Variants in ABCA8 observed in about 807,000 individuals in gnomAD.
ABCA8 encodes the protein ABC-type organic anion transporter ABCA8.
A neutral mutation model predicts 192.3 loss-of-function variants in ABCA8; 177 were observed. That is an observed-to-expected ratio of 0.92 (90% confidence interval 0.81 to 1.04). The LOEUF (loss-of-function observed/expected upper bound fraction) is 1.04, where lower values mean the gene tolerates loss of function less well. ABCA8 is among the 50% of genes least tolerant of loss of function. The probability of loss-of-function intolerance (pLI) is 0.00; values close to 1 mark genes in which losing one functional copy is unlikely to be tolerated. For missense variants in ABCA8, 1,915 were observed against 1,904.8 expected (o/e 1.01, Z -0.10); for synonymous variants, 642 against 690.2 (o/e 0.93, Z 1.09).
intron 2 of ABCA8, among the ~76,000 whole-genome samples, chr17:68,946,355 C>G (rs773590873): frequency 1.3e-5 from 2 of 152,112 alleles, no homozygotes; most frequent in Admixed American, 6.5e-5. Flanking sequence ...CGTGAGCCCC[C>G]GCACCCAGCC....
intron 38 of ABCA8, among the ~76,000 whole-genome samples, chr17:68,869,355 C>T (rs9896422): frequency 0.14 from 21,728 of 151,962 alleles, 1,705 homozygotes; most frequent in African/African-American, 0.21. Flanking sequence ...TGCCAGTCCA[C>T]GGAAAAATTT....
chr17:68,948,227 A>C (rs936125668), intron 2 of ABCA8, among the ~76,000 whole-genome samples: 26 of 152,196 alleles, frequency 1.7e-4, no homozygotes, highest in Non-Finnish European at 1.0e-4. Flanking sequence ...GTGTCTTTAT[A>C]GTAGAATGAT....
intron 2 of ABCA8, among the ~76,000 whole-genome samples, chr17:68,945,899 CACAT>C (rs1268205610): frequency 6.6e-6 from 1 of 152,068 alleles, no homozygotes; most frequent in Admixed American, 6.6e-5. Context: ...ATACTTCTCA[CACAT>C]AGTCTAGTTA....
intron 2 of ABCA8, among the ~76,000 whole-genome samples, chr17:68,946,288 G>A (rs1218419218): frequency 2.0e-5 from 3 of 151,954 alleles, no homozygotes; most frequent in East Asian, 1.9e-4. Context: ...GGCTGGTCTC[G>A]AACTCCTGAC....
Position 68,875,415 on chromosome 17 carries a change from C to T in ABCA8, c.4491-15G>A, listed in dbSNP as rs1269127920. 6.2e-7 allele frequency: 1 copy of T among 1,611,774 alleles called. No homozygotes were observed. Among genetic ancestry groups the T allele is most frequent in the Admixed American group, 1.7e-5 (1 of 59,494 alleles). ...AACCGATACATCTGGAGGATGAGGT[C>T]ATATGAGAAAGGAGAAAAAAAAAAC... On this transcript the variant is annotated splice_polypyrimidine_tract_variant and intron_variant, in intron 36 of 39. Transcript: ENST00000586539.
At chr17:68,902,942 C>T in intron 20 of ABCA8, 63 bp from the exon 21 acceptor site, 1 of 1,386,312 alleles carries the variant, frequency 7.2e-7, no homozygotes, top group Non-Finnish European at 1.0e-6. Context: ...ACTCTCTGAG[C>T]AGTTTATAAT....
At chr17:68,900,920 AT>A (rs1237009258) in intron 21 of ABCA8, among the ~76,000 whole-genome samples, 1 of 152,218 alleles carries the variant, frequency 6.6e-6, no homozygotes, top group African/African-American at 2.4e-5. Context: ...GCCTTCTTGC[AT>A]TTAGAAACAC....
At chr17:68,909,893 G>A (rs1360520544) in intron 17 of ABCA8, among the ~76,000 whole-genome samples, 1 of 152,100 alleles carries the variant, frequency 6.6e-6, no homozygotes, top group African/African-American at 2.4e-5. Context: ...GACCAATCAT[G>A]TAACAAAAAC....
chr17:68,897,636 C>G (rs67927198), intron 21 of ABCA8, among the ~76,000 whole-genome samples: 1 of 151,850 alleles, frequency 6.6e-6, no homozygotes, highest in Non-Finnish European at 1.5e-5. Context: ...TCTCACCAAA[C>G]AGATTATACC....
rs5007934 is a variant in ABCA8, at chr17:68,887,909, C to G, written c.3145-403G>C. Reference sequence around the variant, plus strand: ...ATATATATATATATATATATATATCCATATATATATATATATTATATATGG... The same window carrying G: ...ATATATATATATATATATATATATCGATATATATATATATATTATATATGG... On this transcript the variant is annotated intron_variant, in intron 24 of 39. Transcript: ENST00000586539. 7.3e-3 allele frequency among the ~76,000 whole-genome samples: 274 copies of G among 37,538 alleles called. 10 individuals carry two copies. The highest frequency in any genetic ancestry group is 0.014 in the Admixed American group (53 of 3,832). 24.6% of individuals were successfully genotyped at this position (37,538 alleles called of 152,430 possible). A position where few individuals can be genotyped will look rare whatever the true frequency, so the allele number is the denominator to read the frequency against.
intron 17 of ABCA8, among the ~76,000 whole-genome samples, chr17:68,916,260 G>A (rs1305632646): frequency 6.6e-6 from 1 of 151,914 alleles, no homozygotes; most frequent in Non-Finnish European, 1.5e-5. Context: ...ATATTACTGT[G>A]ACGTTCTTCA....
At chr17:68,929,369 A>T (rs2067795043) in intron 8 of ABCA8, 135 bp from the exon 9 acceptor site, 1 of 1,050,358 alleles carries the variant, frequency 9.5e-7, no homozygotes, top group Non-Finnish European at 1.3e-6. Flanking sequence ...TATAACATAC[A>T]AAACTATGCT....
intron 19 of ABCA8, among the ~76,000 whole-genome samples, chr17:68,904,295 AATAAT>A (rs1288391637): frequency 0.15 from 581 of 3,810 alleles, 14 homozygotes; most frequent in Admixed American, 0.24. Flanking sequence ...AAAAAGAAAT[AATAAT>A]AATAATAATA....
intron 17 of ABCA8, among the ~76,000 whole-genome samples, chr17:68,910,620 G>A (rs951440628): frequency 3.3e-5 from 5 of 152,164 alleles, no homozygotes; most frequent in African/African-American, 2.4e-5. Flanking sequence ...CCAAGGGAGT[G>A]CCTGTTTCAC....
At chr17:68,919,662 T>C (rs1200934489) in intron 13 of ABCA8, 186 bp from the exon 14 acceptor site, 1 of 538,014 alleles carries the variant, frequency 1.9e-6, no homozygotes, top group Non-Finnish European at 3.2e-6. Context: ...CATCAAGGTG[T>C]AGTCCCTTTG....
At chr17:68,936,103 AT>A (rs908641772) in intron 5 of ABCA8, among the ~76,000 whole-genome samples, 13 of 150,888 alleles carry the variant, frequency 8.6e-5, no homozygotes, top group South Asian at 6.3e-4. Flanking sequence ...ATAGTTTGCG[AT>A]TTTTTTTTCC....
chr17:68,952,257 C>T (rs1436927676), intron 1 of ABCA8, among the ~76,000 whole-genome samples: 2 of 152,064 alleles, frequency 1.3e-5, no homozygotes, highest in Non-Finnish European at 1.5e-5. Flanking sequence ...CTCGCTCTGT[C>T]GCCCAGGCTG....
At chr17:68,922,672 G>A (rs1302837212) in intron 11 of ABCA8, among the ~76,000 whole-genome samples, 1 of 152,142 alleles carries the variant, frequency 6.6e-6, no homozygotes, top group Admixed American at 6.5e-5. Context: ...AAAGGCTCCT[G>A]TGAACCACTG....
At position 68,871,269 on chromosome 17, in the gene ABCA8, C is replaced by T. The variant is rs574040498; in HGVS notation, c.4632-1490G>A. On this transcript the variant is annotated intron_variant, in intron 37 of 39. Transcript: ENST00000586539. ...ACCCACTCCCAAGATAACTAACTTA[C>T]TCCCGAGATAACCTATCAATCCTTG... Among the ~76,000 whole-genome samples, 9 of 152,238 alleles carry T rather than the reference C, an allele frequency of 5.9e-5. No homozygotes were observed. The East Asian group carries it at 1.7e-3, about 29-fold the overall frequency.
Sources: gnomAD v4.1 joint callset for allele counts (sites outside exome capture counted in the v4.1 genomes callset) on GRCh38, gnomAD v4.1.1 for gene constraint, MANE v1.5 for transcripts, NCBI Gene and HGNC (gene_info 2026-07-23, HGNC 2026-07-21) for gene names.